Variants in POLRMT observed in about 807,000 individuals in gnomAD.
POLRMT encodes the protein RNA polymerase mitochondrial.
Under a neutral mutation model 132.2 loss-of-function variants are expected in POLRMT, and 114 were observed. That is an observed-to-expected ratio of 0.86 (90% CI 0.74 to 1.01). The LOEUF (loss-of-function observed/expected upper bound fraction) is 1.01, where lower values mean the gene tolerates loss of function less well. Among genes scored for constraint, POLRMT ranks in the 50% least tolerant of loss-of-function variants. The pLI, the probability that POLRMT is intolerant of heterozygous loss-of-function variation, is 0.00. For synonymous variants in POLRMT, 1,020 were observed against 773.4 expected (o/e 1.32, Z -5.29); for missense variants, 2,003 against 1,729.1 (o/e 1.16, Z -2.81).
rs1272806945 is a variant in POLRMT at position 621,690 on chromosome 19, G to C, written c.2008C>G (p.Leu670Val). The C allele has an allele frequency of 1.9e-6, 3 of 1,581,644 alleles. No individual in the cohort carries two copies. The highest frequency in any genetic ancestry group is 1.7e-5 in the Admixed American group (1 of 58,116). ...SGAFLLSPTK[L>V]MRTVEGATQH... is the part of the protein sequence containing the mutation. ...GTGGCGCCTTCCACCGTGCGCATCA[G>C]CTTGGTGGGGCTGAGCAGGAAAGCA... Residue 670 changes from leucine to valine, a missense_variant, in exon 10 of 21, where the codon CTG becomes GTG. Physicochemically the swap from Leu to Val is conservative, Grantham distance 32. Coordinates refer to ENST00000588649, the MANE Select transcript of POLRMT (RefSeq NM_005035.4).
intron 3 of POLRMT, among the ~76,000 whole-genome samples, chr19:625,827 T>C (rs1014419063): frequency 1.3e-5 from 2 of 151,984 alleles, no homozygotes; most frequent in African/African-American, 4.8e-5. Flanking sequence ...CTCAGCCTCC[T>C]GAGTAGCTGG....
In POLRMT at chr19:630,077, G is replaced by A. The variant is rs1351149603; in HGVS notation, c.285C>T (p.Gly95=). 2.5e-6 allele frequency: 4 copies of A among 1,613,652 alleles called. No homozygotes were observed. Among genetic ancestry groups the A allele is most frequent in the South Asian group, 2.2e-5 (2 of 91,086 alleles). ...GTGGCTGGAGGCTACCATCTCCACT[G>A]CCACATTCTGGGAGCCGCGCCACAT... ...RVDVARLPEC[G]SGDGSLQPPR... is the part of the protein sequence containing the mutation. The change falls in exon 3 of 21, where the codon GGC becomes GGT. Residue 95 remains glycine (G), a synonymous_variant. Coordinates refer to ENST00000588649, the MANE Select transcript of POLRMT (RefSeq NM_005035.4).
Position 617,339 on chromosome 19 carries a change from A to G in POLRMT, c.3644-16T>C. 6.2e-7 allele frequency: 1 copy of G among 1,612,734 alleles called. No homozygotes were observed. Among genetic ancestry groups the G allele is most frequent in the East Asian group, 2.2e-5 (1 of 44,864 alleles). ...TCGAAGGCCCCTGCGGAGGAAGCAG[A>G]GCGGACGGCGTGGGTGGCGGGAAAG... On this transcript the variant is annotated splice_polypyrimidine_tract_variant and intron_variant, in intron 20 of 20. Transcript: ENST00000588649.
intron 3 of POLRMT, among the ~76,000 whole-genome samples, chr19:625,894 G>C (rs896166119): frequency 2.0e-5 from 3 of 152,008 alleles, no homozygotes; most frequent in Non-Finnish European, 1.5e-5. Context: ...GCAGATACGG[G>C]GTTTCACCAT....
chr19:619,275 G>A lies in POLRMT; in HGVS notation c.3088C>T (p.His1030Tyr). 5 of 1,608,302 alleles carry A rather than the reference G, an allele frequency of 3.1e-6. No homozygotes were observed. In the South Asian group the frequency reaches 5.5e-5, roughly 18 times the overall value. ...TTGAAGACCTGGCGTACGAGATAGTGAGAGGCCTCCCACACGAACTCCTGC... is the reference window on the plus strand; with the variant it reads ...TTGAAGACCTGGCGTACGAGATAGTAAGAGGCCTCCCACACGAACTCCTGC... ...FPQEFVWEAS[H>Y]YLVRQVFKSL... is the part of the protein sequence containing the mutation. The change falls in exon 14 of 21, where the codon CAC becomes TAC. Residue 1030 changes from histidine to tyrosine, a missense_variant. Physicochemically the swap from His to Tyr is moderately conservative, Grantham distance 83. Transcript: ENST00000588649.
chr19:619,973 G>A lies in POLRMT; in HGVS notation c.2871C>T (p.Ser957=), dbSNP rs1025001025. 8 of 1,598,172 alleles carry A rather than the reference G, an allele frequency of 5.0e-6. No homozygotes were observed. The Admixed American group carries it at 8.5e-5, about 17-fold the overall frequency. ...EPSDVPQDVY[S]GVAAQVEVFR... ...CACACCCTACCTGCGCGGCCACGCC[G>A]CTGTACACGTCCTGCGGCACATCCG... The change falls in exon 12 of 21, where the codon AGC becomes AGT. Residue 957 remains serine, a synonymous_variant. Transcript: ENST00000588649.
Position 619,567 on chromosome 19 carries a change from C to G in POLRMT, c.3066+19G>C. 6.2e-7 allele frequency: 1 copy of G among 1,611,024 alleles called. No individual in the cohort carries two copies. On this transcript the variant is annotated intron_variant, in intron 13 of 20. Coordinates refer to ENST00000588649, the MANE Select transcript of POLRMT (RefSeq NM_005035.4). ...GGCAGTGAAACCAACGTGTTCGCAG[C>G]GCGACATGCCTGGCGCACCTGGGGA...
Position 621,281 on chromosome 19 carries a change from G to A in POLRMT, c.2417C>T (p.Thr806Ile). 3 of 1,605,434 alleles carry A rather than the reference G, an allele frequency of 1.9e-6. No homozygotes were observed. The highest frequency in any genetic ancestry group is 2.5e-6 in the Non-Finnish European group (3 of 1,177,642). The change falls in exon 10 of 21, where the codon ACC (threonine) becomes ATC (isoleucine). Residue 806 changes from threonine to isoleucine, a missense_variant. Coordinates refer to ENST00000588649, the MANE Select transcript of POLRMT (RefSeq NM_005035.4). ...LPHNMDFRGR[T>I]YPCPPHFNHL... ...GTTGAAGTGCGGCGGGCAGGGGTAG[G>A]TGCGGCCGCGGAAGTCCATGTTGTG...
rs751544061 is a variant in POLRMT at position 623,549 on chromosome 19, G to C, written c.1195C>G (p.Leu399Val). ...LHLPLKTLQC[L>V]FEKQLHMELA... ...TCCATGTGGAGCTGCTTCTCAAAGA[G>C]GCACTGCAGGGTCTTCAAGGGCAGG... The change falls in exon 6 of 21, where the codon CTC (leucine) becomes GTC (valine). Residue 399 changes from leucine (L) to valine (V), a missense_variant. Physicochemically the swap from Leu to Val is conservative, Grantham distance 32. Transcript: ENST00000588649. The C allele has an allele frequency of 3.1e-6, 5 of 1,613,612 alleles. No individual in the cohort carries two copies. Among genetic ancestry groups the C allele is most frequent in the East Asian group, 2.2e-5 (1 of 44,884 alleles).
chr19:620,231 A>C lies in POLRMT; in HGVS notation c.2763+134T>G, dbSNP rs1984409965. The C allele has an allele frequency of 4.8e-6, 7 of 1,451,794 alleles. No individual in the cohort carries two copies. The Middle Eastern group carries it at 5.4e-4, about 112-fold the overall frequency. 89.9% of individuals were successfully genotyped at this position (1,451,794 alleles called of 1,614,324 possible). A position where few individuals can be genotyped will look rare whatever the true frequency, so the allele number is the denominator to read the frequency against. Reference sequence around the variant, plus strand: ...CCGCACGCTCCCGGGAGAGACCAGGAGCCATGGCTCCCGCACACTCTAGGA... The same window carrying C: ...CCGCACGCTCCCGGGAGAGACCAGGCGCCATGGCTCCCGCACACTCTAGGA... On this transcript the variant is annotated intron_variant, in intron 11 of 20. Transcript: ENST00000588649.
chr19:631,594 G>A (rs879360065), intron 2 of POLRMT, among the ~76,000 whole-genome samples: 5 of 151,858 alleles, frequency 3.3e-5, no homozygotes, highest in African/African-American at 4.8e-5. Flanking sequence ...AGCCAAGATC[G>A]CACCATTGCA....
chr19:632,941 G>A lies in POLRMT; in HGVS notation c.89-3C>T. ...GCCGCAGACGCCACCGGCGGTCCCT[G>A]CGGGAAAGACGAGAGCGGCTGAGCG... is the stretch of plus-strand genomic sequence containing the variant. On this transcript the variant is annotated splice_region_variant and splice_polypyrimidine_tract_variant and intron_variant, in intron 1 of 20. Coordinates refer to ENST00000588649, the MANE Select transcript of POLRMT (RefSeq NM_005035.4). 3 of 1,503,612 alleles carry A rather than the reference G, an allele frequency of 2.0e-6. No homozygotes were observed. The highest frequency in any genetic ancestry group is 2.7e-6 in the Non-Finnish European group (3 of 1,130,718). The allele number at this position is 1,503,612 out of a possible 1,614,324, so 93.1% of individuals were successfully genotyped here.
In POLRMT at chr19:617,821, C is replaced by G; in HGVS notation, c.3451G>C (p.Asp1151His). Reference protein sequence around the residue: ...RKGLTFVSVHDCYWTHAADVS... With the variant: ...RKGLTFVSVHHCYWTHAADVS... ...TCAGCTGCGTGAGTCCAGTAACAGT[C>G]GTGCACAGAGACGAAGGTCAGGCCC... The change falls in exon 18 of 21, where the codon GAC (aspartate) becomes CAC (histidine). Residue 1151 changes from aspartate (D) to histidine (H), a missense_variant. Asp to His is a moderately conservative substitution (Grantham distance 81, BLOSUM62 -1). Coordinates refer to ENST00000588649, the MANE Select transcript of POLRMT (RefSeq NM_005035.4). The G allele has an allele frequency of 6.2e-7, 1 of 1,613,328 alleles. No homozygotes were observed. Among genetic ancestry groups the G allele is most frequent in the East Asian group, 2.2e-5 (1 of 44,880 alleles).
At chr19:617,524 G>T in intron 19 of POLRMT, 44 bp from the exon 20 acceptor site, 1 of 1,605,768 alleles carries the variant, frequency 6.2e-7, no homozygotes, top group South Asian at 1.1e-5. Context: ...GCCAGGTTTT[G>T]GGGTGGGGGG....
chr19:627,845 A>T (rs1260727455), intron 3 of POLRMT, among the ~76,000 whole-genome samples: 1 of 150,852 alleles, frequency 6.6e-6, no homozygotes, highest in African/African-American at 2.4e-5. Context: ...AGAATTATTG[A>T]ACCCAGGAGG....
chr19:617,839 T>C lies in POLRMT; in HGVS notation c.3433A>G (p.Thr1145Ala). Residue 1145 changes from threonine (T) to alanine (A), a missense_variant, in exon 18 of 21, where the codon ACC becomes GCC. By Grantham distance (58) the Thr-to-Ala change is moderately conservative. Coordinates refer to ENST00000588649, the MANE Select transcript of POLRMT (RefSeq NM_005035.4). ...TALHCYRKGL[T>A]FVSVHDCYWT... ...TAACAGTCGTGCACAGAGACGAAGG[T>C]CAGGCCCTTCCTGTGGCAGAGCGGA... 3 of 1,613,074 alleles carry C rather than the reference T, an allele frequency of 1.9e-6. No individual in the cohort carries two copies. The highest frequency in any genetic ancestry group is 2.5e-6 in the Non-Finnish European group (3 of 1,179,862).
chr19:622,367 C>T lies in POLRMT; in HGVS notation c.1633G>A (p.Glu545Lys), dbSNP rs115950441. Reference protein sequence around the residue: ...CLLASDAEVPEPCLPRQYWEE... With the variant: ...CLLASDAEVPKPCLPRQYWEE... ...CAGTACTGCCGCGGCAGGCAGGGCT[C>T]GGGCACCTGTAGGACAGGGCGGTCA... is the stretch of plus-strand genomic sequence containing the variant. The change falls in exon 9 of 21, where the codon GAG (glutamate) becomes AAG (lysine). Residue 545 changes from glutamate (E) to lysine (K), a missense_variant. Physicochemically the swap from Glu to Lys is moderately conservative, Grantham distance 56. Transcript: ENST00000588649. 1,001 of 1,549,388 alleles carry T rather than the reference C, an allele frequency of 6.5e-4. 10 individuals are homozygous for T. The African/African-American group carries it at 0.012, about 19-fold the overall frequency.
In POLRMT at chr19:623,437, C is replaced by T; in HGVS notation, c.1290+17G>A. 6.2e-7 allele frequency: 1 copy of T among 1,609,646 alleles called. No individual in the cohort carries two copies. The highest frequency in any genetic ancestry group is 8.5e-7 in the Non-Finnish European group (1 of 1,179,292). On this transcript the variant is annotated intron_variant, in intron 6 of 20. Coordinates refer to ENST00000588649, the MANE Select transcript of POLRMT (RefSeq NM_005035.4). ...TCAGCCCCTGCGGCGGACACGGGACCCCGGCTCAGCCCCTACCGCGTGCTT... is the reference window on the plus strand; with the variant it reads ...TCAGCCCCTGCGGCGGACACGGGACTCCGGCTCAGCCCCTACCGCGTGCTT...
rs200607630 is a variant in POLRMT, at chr19:619,982, G to A, written c.2862C>T (p.Asp954=). Residue 954 remains aspartate, a synonymous_variant, in exon 12 of 21, where the codon GAC becomes GAT. Transcript: ENST00000588649. ...CCTGCGCGGCCACGCCGCTGTACACGTCCTGCGGCACATCCGAGGGCTCCA... is the reference window on the plus strand; with the variant it reads ...CCTGCGCGGCCACGCCGCTGTACACATCCTGCGGCACATCCGAGGGCTCCA... ...VNLEPSDVPQ[D]VYSGVAAQVE... 25 of 1,598,546 alleles carry A rather than the reference G, an allele frequency of 1.6e-5. No individual in the cohort carries two copies. The highest frequency in any genetic ancestry group is 8.9e-5 in the South Asian group (8 of 89,950).
Sources: gnomAD v4.1 joint callset for allele counts (sites outside exome capture counted in the v4.1 genomes callset) on GRCh38, gnomAD v4.1.1 for gene constraint, MANE v1.5 for transcripts, NCBI Gene and HGNC (gene_info 2026-07-23, HGNC 2026-07-21) for gene names.